The following MCPH1 variants were observed in gnomAD, a reference collection of about 807,000 sequenced individuals.
The protein encoded by MCPH1 is microcephalin.
Under a neutral mutation model 84.5 loss-of-function variants are expected in MCPH1, and 104 were observed. That is an observed-to-expected ratio of 1.23 (90% confidence interval 1.05 to 1.45). MCPH1 has a LOEUF of 1.45. Ranked by LOEUF, MCPH1 falls within the 40% of genes most tolerant of loss-of-function variation. The pLI is 0.00. For missense variants in MCPH1, 1,498 were observed against 1,005.7 expected (o/e 1.49, Z -6.62); for synonymous variants, 514 against 366.8 (o/e 1.40, Z -4.58).
At chr8:6,484,567 C>T (rs888660280) in intron 11 of MCPH1, among the ~76,000 whole-genome samples, 5 of 152,186 alleles carry the variant, frequency 3.3e-5, no homozygotes, top group African/African-American at 9.7e-5. Context: ...AGAGTCTGTA[C>T]GCGAATATTT....
chr8:6,598,741 C>T (rs1197392445), intron 12 of MCPH1, among the ~76,000 whole-genome samples: 1 of 152,234 alleles, frequency 6.6e-6, no homozygotes, highest in Non-Finnish European at 1.5e-5. Context: ...GTGCGGCTCC[C>T]CCCTGCGTGG....
chr8:6,503,019 A>C, intron 12 of MCPH1: 1 of 1,522,732 alleles, frequency 6.6e-7, no homozygotes, highest in Non-Finnish European at 9.0e-7. Flanking sequence ...AAGAGGACAC[A>C]GTGCGCAGCC....
rs147326288 is a variant in MCPH1, at chr8:6,550,453, C to A, written c.2214+50524C>A. 4.8e-3 allele frequency among the ~76,000 whole-genome samples: 733 copies of A among 152,320 alleles called. 7 individuals carry two copies. The highest frequency in any genetic ancestry group is 0.017 in the African/African-American group (697 of 41,578). On this transcript the variant is annotated intron_variant, in intron 12 of 13. Transcript: ENST00000344683. ...TGGCACCAAGCCAACCACTCAGCAT[C>A]CAGCGCGTCCTCACCTCCCCTCCGG...
At chr8:6,585,377 G>C (rs982527754) in intron 12 of MCPH1, among the ~76,000 whole-genome samples, 1 of 152,224 alleles carries the variant, frequency 6.6e-6, no homozygotes, top group African/African-American at 2.4e-5. Context: ...GAAGCTGTGT[G>C]TGGCCACCAC....
At chr8:6,459,915 C>T (rs553003547) in intron 9 of MCPH1, among the ~76,000 whole-genome samples, 1 of 152,276 alleles carries the variant, frequency 6.6e-6, no homozygotes, top group South Asian at 2.1e-4. Flanking sequence ...GCAGCACGGC[C>T]TTGGTGTGGC....
intron 12 of MCPH1, among the ~76,000 whole-genome samples, chr8:6,530,829 A>G (rs1181620734): frequency 6.6e-6 from 1 of 152,186 alleles, no homozygotes; most frequent in Non-Finnish European, 1.5e-5. Flanking sequence ...TAGGAAGACA[A>G]TGAAAGAACA....
intron 9 of MCPH1, among the ~76,000 whole-genome samples, chr8:6,472,872 A>T (rs757839331): frequency 6.6e-6 from 1 of 152,244 alleles, no homozygotes; most frequent in African/African-American, 2.4e-5. Context: ...CAATAGGATC[A>T]TGTAACTTAG....
chr8:6,447,100 G>C, intron 8 of MCPH1: 1 of 985,460 alleles, frequency 1.0e-6, no homozygotes, highest in Non-Finnish European at 1.2e-6. Context: ...TGCCATTACA[G>C]ACAGACGGGA....
At position 6,474,747 on chromosome 8, in the gene MCPH1, C is replaced by G. The variant is rs140501638; in HGVS notation, c.1936-2847C>G. Among the ~76,000 whole-genome samples, 8 of 152,184 alleles carry G rather than the reference C, an allele frequency of 5.3e-5. No homozygotes were observed. The East Asian group carries it at 1.5e-3, about 29-fold the overall frequency. On this transcript the variant is annotated intron_variant, in intron 9 of 13. Transcript: ENST00000344683. ...GGCACAGTGGCTCATGCCTATAATC[C>G]TAGAAATTTTTGGAGTCCAAGATGG...
intron 3 of MCPH1, among the ~76,000 whole-genome samples, chr8:6,420,010 C>T (rs1245682294): frequency 1.3e-5 from 2 of 150,990 alleles, no homozygotes; most frequent in African/African-American, 4.9e-5. Flanking sequence ...TCTGTCAGTT[C>T]TGCTGTCTTG....
chr8:6,645,176 C>G lies in MCPH1; in HGVS notation c.*2127C>G, dbSNP rs1331493978. On this transcript the variant is annotated 3_prime_UTR_variant, in exon 14 of 14. Transcript: ENST00000344683. ...CACCACATCAGCCACGGAGCCAGCC[C>G]AGCCTCTGCCCACCCAGGCCTCAGT... 6.6e-6 allele frequency: 1 copy of G among 152,416 alleles called. No individual in the cohort carries two copies. The highest frequency in any genetic ancestry group is 1.5e-5 in the Non-Finnish European group (1 of 68,114). 9.4% of individuals were successfully genotyped at this position (152,416 alleles called of 1,614,324 possible).
intron 12 of MCPH1, among the ~76,000 whole-genome samples, chr8:6,612,256 T>C (rs1287593184): frequency 6.6e-6 from 1 of 152,112 alleles, no homozygotes; most frequent in East Asian, 1.9e-4. Flanking sequence ...CTCTGCCTAA[T>C]TTGGTGACTA....
In MCPH1 at chr8:6,510,627, T is replaced by C. The variant is rs369337865; in HGVS notation, c.2214+10698T>C. ...ACTGAAAGTCACTGAGGTTCAGAGA[T>C]ATAAACTTGTCCGAGGTCAGACTCT... On this transcript the variant is annotated intron_variant, in intron 12 of 13. Coordinates refer to ENST00000344683, the MANE Select transcript of MCPH1 (RefSeq NM_024596.5). 2.0e-5 allele frequency among the ~76,000 whole-genome samples: 3 copies of C among 152,304 alleles called. No homozygotes were observed. The South Asian group carries it at 6.2e-4, about 32-fold the overall frequency.
chr8:6,643,121 A>G lies in MCPH1; in HGVS notation c.*72A>G, dbSNP rs1240736618. Reference sequence around the variant, plus strand: ...GTCTTTGGATGTTCAAATGAGAAACAAAACTGTGAAGAGAAGGAACTGGCG... The same window carrying G: ...GTCTTTGGATGTTCAAATGAGAAACGAAACTGTGAAGAGAAGGAACTGGCG... On this transcript the variant is annotated 3_prime_UTR_variant, in exon 14 of 14. Coordinates refer to ENST00000344683, the MANE Select transcript of MCPH1 (RefSeq NM_024596.5). The G allele has an allele frequency of 5.3e-6, 7 of 1,315,392 alleles. No homozygotes were observed. The Middle Eastern group carries it at 5.4e-4, about 102-fold the overall frequency. 81.5% of individuals were successfully genotyped at this position (1,315,392 alleles called of 1,614,324 possible).
At chr8:6,505,450 T>A (rs1813338315) in intron 12 of MCPH1, among the ~76,000 whole-genome samples, 1 of 85,822 alleles carries the variant, frequency 1.2e-5, no homozygotes, top group Non-Finnish European at 2.4e-5. Flanking sequence ...TTTATATACA[T>A]ATAGAATATA....
intron 13 of MCPH1, among the ~76,000 whole-genome samples, chr8:6,623,050 C>T (rs1032687658): frequency 2.1e-5 from 3 of 144,530 alleles, no homozygotes; most frequent in Non-Finnish European, 4.5e-5. Flanking sequence ...ATGGGGTCTC[C>T]CTATGTTGCC....
chr8:6,424,096 G>C (rs1050331141), intron 3 of MCPH1, among the ~76,000 whole-genome samples: 1 of 152,112 alleles, frequency 6.6e-6, no homozygotes, highest in African/African-American at 2.4e-5. Flanking sequence ...GGTGTCACTA[G>C]AATCCCATTC....
intron 12 of MCPH1, among the ~76,000 whole-genome samples, chr8:6,510,887 C>T (rs775643162): frequency 2.0e-5 from 3 of 152,160 alleles, no homozygotes; most frequent in Non-Finnish European, 4.4e-5. Flanking sequence ...AGTATTTTCC[C>T]ACATGTTTCA....
chr8:6,608,019 C>A (rs1275527314), intron 12 of MCPH1, among the ~76,000 whole-genome samples: 2 of 152,126 alleles, frequency 1.3e-5, no homozygotes, highest in African/African-American at 4.8e-5. Flanking sequence ...TTGATCCACC[C>A]CCAGGAGGTG....
Sources: allele counts gnomAD v4.1 joint callset (sites outside exome capture counted in the v4.1 genomes callset), GRCh38; gene constraint gnomAD v4.1.1; transcripts MANE v1.5; gene names NCBI Gene and HGNC (gene_info 2026-07-23, HGNC 2026-07-21).